The following PLXDC1 variants were observed in gnomAD, a reference collection of about 807,000 sequenced individuals.
PLXDC1 encodes the protein plexin domain-containing protein 1.
Under a neutral mutation model 61.3 loss-of-function variants are expected in PLXDC1, and 39 were observed. That is an observed-to-expected ratio of 0.64 (90% CI 0.49 to 0.83). PLXDC1 has a LOEUF of 0.83. Among genes scored for constraint, PLXDC1 ranks in the 40% least tolerant of loss-of-function variants. The pLI, the probability that PLXDC1 is intolerant of heterozygous loss-of-function variation, is 0.00. For missense variants in PLXDC1, 596 were observed against 666.5 expected (o/e 0.89, Z 1.17); for synonymous variants, 212 against 254.5 (o/e 0.83, Z 1.59).
intron 12 of PLXDC1, among the ~76,000 whole-genome samples, chr17:39,070,697 G>T (rs190323689): frequency 1.7e-3 from 255 of 152,318 alleles, no homozygotes; most frequent in African/African-American, 5.8e-3. Context: ...ACTGGCAGGG[G>T]CTGGCCGCAG....
Position 39,067,934 on chromosome 17 carries a change from A to T in PLXDC1, c.1409T>A (p.Met470Lys). Residue 470 changes from methionine to lysine, a missense_variant, in exon 14 of 14, where the codon ATG becomes AAG. Coordinates refer to ENST00000315392, the MANE Select transcript of PLXDC1 (RefSeq NM_020405.5). ...ATGGTCAGGGTGGCTGCGAAACTTC[A>T]TGGCTGGCCAGTGGTGAGGTCTACG... ...IERRPHHWPA[M>K]KFRSHPDHST... 1 of 1,614,088 alleles carries T rather than the reference A, an allele frequency of 6.2e-7. No homozygotes were observed. The highest frequency in any genetic ancestry group is 8.5e-7 in the Non-Finnish European group (1 of 1,179,966).
intron 1 of PLXDC1, among the ~76,000 whole-genome samples, chr17:39,146,948 A>ATTTTTTTTTTT (rs869300584): frequency 1.3e-5 from 1 of 74,686 alleles, no homozygotes; most frequent in African/African-American, 5.2e-5. Flanking sequence ...ACAGGAAATG[A>ATTTTTTTTTTT]TTTTTTTTTT....
At chr17:39,122,566 A>T (rs553466913) in intron 2 of PLXDC1, among the ~76,000 whole-genome samples, 1 of 152,222 alleles carries the variant, frequency 6.6e-6, no homozygotes, top group East Asian at 1.9e-4. Context: ...ATCCCAGGGT[A>T]TGGTCACTAT....
At chr17:39,112,889 A>G (rs1289759230) in intron 2 of PLXDC1, 2 of 152,198 alleles carry the variant, frequency 1.3e-5, no homozygotes, top group Admixed American at 6.5e-5. Flanking sequence ...CCAGCACCAG[A>G]TAGCCTTTCC....
rs1909787154 is a variant in PLXDC1, at chr17:39,087,534, T to C, written c.907+73A>G. 1.0e-5 allele frequency: 12 copies of C among 1,183,618 alleles called. No homozygotes were observed. The South Asian group carries it at 1.5e-4, about 15-fold the overall frequency. The allele number at this position is 1,183,618 out of a possible 1,614,324, so 73.3% of individuals were successfully genotyped here. On this transcript the variant is annotated intron_variant, in intron 8 of 13. Coordinates refer to ENST00000315392, the MANE Select transcript of PLXDC1 (RefSeq NM_020405.5). Reference sequence around the variant, plus strand: ...GGCTGCACAAAACAGGAGTCAGTCATGGGCCTGGGACATGAAGCCAGTCTG... The same window carrying C: ...GGCTGCACAAAACAGGAGTCAGTCACGGGCCTGGGACATGAAGCCAGTCTG...
At chr17:39,109,683 C>T (rs1032070974) in intron 2 of PLXDC1, among the ~76,000 whole-genome samples, 16 of 152,166 alleles carry the variant, frequency 1.1e-4, no homozygotes, top group African/African-American at 3.4e-4. Context: ...GCCAGGAGGC[C>T]GGCAGCCCCT....
chr17:39,097,364 C>T (rs1236442818), intron 7 of PLXDC1, among the ~76,000 whole-genome samples: 1 of 152,136 alleles, frequency 6.6e-6, no homozygotes, highest in Non-Finnish European at 1.5e-5. Flanking sequence ...TCCTTTAAGC[C>T]ATGATCATTT....
Position 39,151,594 on chromosome 17 carries a change from C to T in PLXDC1, c.-157G>A. On this transcript the variant is annotated 5_prime_UTR_variant, in exon 1 of 14. Transcript: ENST00000315392. The surrounding 1 kb of genome is among the most constrained non-coding windows in gnomAD (Gnocchi z 5.2). ...GCGGGGCCGGGCGAGCCGGCAGGAG[C>T]GGCGAGAGCGCGAGCGGAGCTGGAG... is the stretch of plus-strand genomic sequence containing the variant. 5 of 1,130,686 alleles carry T rather than the reference C, an allele frequency of 4.4e-6. No homozygotes were observed. The highest frequency in any genetic ancestry group is 5.4e-6 in the Non-Finnish European group (5 of 922,164). The allele number at this position is 1,130,686 out of a possible 1,614,324, so 70.0% of individuals were successfully genotyped here.
At chr17:39,152,433 C>T (rs1246348876), upstream of PLXDC1, 14 of 978,412 alleles carry the variant, frequency 1.4e-5, no homozygotes, top group East Asian at 4.3e-4. Context: ...GATAGATAAT[C>T]TTTTTATTTT....
intron 2 of PLXDC1, among the ~76,000 whole-genome samples, chr17:39,128,103 A>ATATGTATATATATATGTGTTTATATATG: frequency 1.2e-5 from 1 of 84,902 alleles, no homozygotes; most frequent in Non-Finnish European, 2.3e-5. Context: ...ATGTGTATAT[A>ATATGTATATATATATGTGTTTATATATG]TATATATATA....
intron 7 of PLXDC1, among the ~76,000 whole-genome samples, chr17:39,090,068 G>A (rs1015599002): frequency 6.6e-6 from 1 of 152,022 alleles, no homozygotes; most frequent in African/African-American, 2.4e-5. Context: ...CAAAATGCTG[G>A]GATTACAGGT....
intron 1 of PLXDC1, among the ~76,000 whole-genome samples, chr17:39,150,948 G>C (rs1328553189): frequency 6.6e-6 from 1 of 152,218 alleles, no homozygotes; most frequent in Non-Finnish European, 1.5e-5. Flanking sequence ...GGGGTCGGGG[G>C]TGTGGCAGAG....
chr17:39,092,005 C>A (rs1909973568), intron 7 of PLXDC1, among the ~76,000 whole-genome samples: 1 of 149,590 alleles, frequency 6.7e-6, no homozygotes, highest in South Asian at 2.1e-4. Flanking sequence ...GCCATTCATT[C>A]ATAAGTGGGG....
Position 39,135,545 on chromosome 17 carries a change from C to T in PLXDC1, c.255+4109G>A, listed in dbSNP as rs1046138259. ...TACAAAAATTAGCTGGGCGTGGTGG[C>T]GCATGCCTGTAATCCCAGCTACTTG... On this transcript the variant is annotated intron_variant, in intron 2 of 13. Transcript: ENST00000315392. Among the ~76,000 whole-genome samples, 6 of 152,040 alleles carry T rather than the reference C, an allele frequency of 3.9e-5. No individual in the cohort carries two copies. The East Asian group carries it at 7.7e-4, about 20-fold the overall frequency.
In PLXDC1 at chr17:39,142,958, C is replaced by T. The variant is rs1431450329; in HGVS notation, c.77-3126G>A. 3.3e-5 allele frequency among the ~76,000 whole-genome samples: 5 copies of T among 151,826 alleles called. No individual in the cohort carries two copies. The South Asian group carries it at 6.3e-4, about 19-fold the overall frequency. ...TTCGAGACCAGCCTGGCCAACATGA[C>T]GAAACCCCGTCTCTACTAAAAATAC... On this transcript the variant is annotated intron_variant, in intron 1 of 13. Transcript: ENST00000315392.
At position 39,108,889 on chromosome 17, in the gene PLXDC1, A is replaced by G. The variant is rs554366166; in HGVS notation, c.469+15T>C. 1 of 1,605,768 alleles carries G rather than the reference A, an allele frequency of 6.2e-7. No individual in the cohort carries two copies. Among genetic ancestry groups the G allele is most frequent in the South Asian group, 1.1e-5 (1 of 90,458 alleles). ...GTCTCCAGACTCTCCCCGGGGCCCC[A>G]CGACGTGGCCTTACCTCCAGTTGCT... On this transcript the variant is annotated intron_variant, in intron 4 of 13. Transcript: ENST00000315392.
At chr17:39,082,359 C>T (rs1909592723) in intron 9 of PLXDC1, among the ~76,000 whole-genome samples, 1 of 152,042 alleles carries the variant, frequency 6.6e-6, no homozygotes, top group African/African-American at 2.4e-5. Flanking sequence ...TTGAGACAAG[C>T]CTGGCCAAAC....
intron 2 of PLXDC1, among the ~76,000 whole-genome samples, chr17:39,135,708 T>C (rs974974487): frequency 1.4e-5 from 2 of 146,798 alleles, no homozygotes; most frequent in East Asian, 2.1e-4. Flanking sequence ...TTCCCACACC[T>C]ACATGACCAT....
chr17:39,127,340 G>A (rs753012977), intron 2 of PLXDC1, among the ~76,000 whole-genome samples: 11 of 152,052 alleles, frequency 7.2e-5, no homozygotes, highest in Non-Finnish European at 1.3e-4. Flanking sequence ...AACTAAAGCC[G>A]GGACCATCCT....
Sources: allele counts gnomAD v4.1 joint callset (sites outside exome capture counted in the v4.1 genomes callset), GRCh38; gene constraint gnomAD v4.1.1; non-coding constraint Gnocchi (gnomAD v3.1); transcripts MANE v1.5; gene names NCBI Gene and HGNC (gene_info 2026-07-23, HGNC 2026-07-21).